Variants in FHL1 observed in about 807,000 individuals in gnomAD.
FHL1 encodes four and a half LIM domains protein 1.
A neutral mutation model predicts 20.3 loss-of-function variants in FHL1; 1 was observed. That is an observed-to-expected ratio of 0.05 (90% CI 0.02 to 0.23). FHL1 has a LOEUF of 0.23. FHL1 is among the 10% of genes least tolerant of loss of function. FHL1 has a pLI of 1.00. For missense variants in FHL1, 177 were observed against 234.0 expected (o/e 0.76, Z 1.59); for synonymous variants, 82 against 88.9 (o/e 0.92, Z 0.44).
At chrX:136,208,696 C>A in intron 5 of FHL1, 55 bp downstream of exon 5, 1 of 1,097,716 alleles carries the variant, frequency 9.1e-7, no homozygotes, top group Non-Finnish European at 1.3e-6. Context: ...GCATGGTAAC[C>A]ATCTCTCATT....
At chrX:136,187,537 A>G (rs916993933) in intron 2 of FHL1, among the ~76,000 whole-genome samples, 45 of 112,395 alleles carry the variant, frequency 4.0e-4, no homozygotes, top group African/African-American at 1.3e-3. Flanking sequence ...ACTAAGGGAA[A>G]GAAATCTGCC....
intron 2 of FHL1, among the ~76,000 whole-genome samples, chrX:136,192,006 A>G (rs1023326277): frequency 2.7e-5 from 3 of 112,299 alleles, no homozygotes; most frequent in Non-Finnish European, 5.6e-5. Flanking sequence ...TGTCACAAGT[A>G]GGTGGTAGAA....
rs760214177 is a variant in FHL1, at chrX:136,209,997, A to T, written c.863A>T (p.Tyr288Phe). 5.0e-6 allele frequency: 6 copies of T among 1,208,494 alleles called. No homozygotes were observed. The Admixed American group carries it at 1.1e-4, about 22-fold the overall frequency. Residue 288 changes from tyrosine (Y) to phenylalanine (F), a missense_variant, in exon 6 of 6, where the codon TAT (tyrosine) becomes TTT (phenylalanine). Tyr to Phe is a conservative substitution (Grantham distance 22). Transcript: ENST00000370683. ...TTTGTTTTCCACCAGGAGCAAGTGT[A>T]TTGTCCCGACTGTGCCAAAAAGCTG... ...KRFVFHQEQV[Y>F]CPDCAKKL
chrX:136,152,687 T>A (rs1229820080), intron 1 of FHL1, among the ~76,000 whole-genome samples: 8 of 89,000 alleles, frequency 9.0e-5, no homozygotes, highest in Non-Finnish European at 1.7e-4. Flanking sequence ...GCCACTGTAT[T>A]CCAGCCTGGG....
chrX:136,153,800 A>G (rs1423878775), intron 1 of FHL1, among the ~76,000 whole-genome samples: 1 of 111,910 alleles, frequency 8.9e-6, no homozygotes, highest in Non-Finnish European at 1.9e-5. Context: ...AGCCCATTGC[A>G]AAACCTCCAA....
chrX:136,175,010 A>C (rs2148308886), intron 2 of FHL1, among the ~76,000 whole-genome samples: 1 of 112,503 alleles, frequency 8.9e-6, no homozygotes, highest in Non-Finnish European at 1.9e-5. Context: ...AGTATAATTA[A>C]AATGAAAAAG....
At chrX:136,156,572 C>G (rs890721503) in intron 1 of FHL1, among the ~76,000 whole-genome samples, 1 of 111,548 alleles carries the variant, frequency 9.0e-6, no homozygotes, top group Non-Finnish European at 1.9e-5. Flanking sequence ...GTGAGCTGTT[C>G]TGTAGACTTT....
rs781369611 is a variant in FHL1 at position 136,152,156 on chromosome X, C to A, written c.-101+4528C>A. Among the ~76,000 whole-genome samples the A allele has an allele frequency of 5.4e-5, 6 of 112,105 alleles. No homozygotes were observed. In the South Asian group the frequency reaches 2.2e-3, roughly 41 times the overall value. On this transcript the variant is annotated intron_variant, in intron 1 of 7. Transcript: ENST00000394155. ...GAAAAGGGAACCAACATTAATTGAACACCTACTAAAATTTCAGGAAGCACG... is the reference window on the plus strand; with the variant it reads ...GAAAAGGGAACCAACATTAATTGAAAACCTACTAAAATTTCAGGAAGCACG...
chrX:136,206,364 G>A (rs2073838955), intron 1 of FHL1, 43 bp from the exon 2 acceptor site: 1 of 1,207,008 alleles, frequency 8.3e-7, no homozygotes, highest in African/African-American at 1.7e-5. Flanking sequence ...AGGGTGCTGG[G>A]GCATTTCCTG....
upstream of FHL1, chrX:136,147,144 G>A: frequency 5.0e-6 from 1 of 199,327 alleles, no homozygotes; most frequent in Admixed American, 5.9e-5. Context: ...GCGCGAGGGA[G>A]GGGGCCCGAG....
chrX:136,171,119 G>C (rs2072855029), intron 2 of FHL1, among the ~76,000 whole-genome samples: 1 of 111,458 alleles, frequency 9.0e-6, no homozygotes, highest in South Asian at 3.8e-4. Context: ...AGGCCCTCGG[G>C]CTTGAAGCAA....
intron 1 of FHL1, among the ~76,000 whole-genome samples, chrX:136,151,644 C>T (rs984267835): frequency 8.0e-5 from 9 of 111,894 alleles, no homozygotes; most frequent in African/African-American, 2.3e-4. Context: ...ACCCAGGAGG[C>T]GGAGGTTGCT....
intron 1 of FHL1, among the ~76,000 whole-genome samples, chrX:136,200,432 T>A (rs1569529928): frequency 9.0e-6 from 1 of 111,632 alleles, no homozygotes; most frequent in Non-Finnish European, 1.9e-5. Context: ...CAGAGGAGAA[T>A]AGGCCCAAGA....
At chrX:136,181,367 A>G (rs1206469128) in intron 2 of FHL1, among the ~76,000 whole-genome samples, 1 of 112,071 alleles carries the variant, frequency 8.9e-6, no homozygotes, top group Non-Finnish European at 1.9e-5. Flanking sequence ...AGAGATGGTT[A>G]GGATGCCGGA....
intron 2 of FHL1, among the ~76,000 whole-genome samples, chrX:136,170,786 A>G (rs1378679322): frequency 1.8e-5 from 2 of 111,080 alleles, no homozygotes; most frequent in Non-Finnish European, 3.8e-5. Flanking sequence ...TGCCAGCACC[A>G]TACCTGTCAG....
chrX:136,186,869 TATATATATATATAGATAGATAG>T lies in FHL1; in HGVS notation c.-27+16893_-27+16914del, dbSNP rs201698144. Among the ~76,000 whole-genome samples, 4 of 61,407 alleles carry T rather than the reference TATATATATATATAGATAGATAG, an allele frequency of 6.5e-5. 1 individual carries two copies. Among genetic ancestry groups the T allele is most frequent in the Non-Finnish European group, 1.2e-4 (4 of 34,283 alleles). The allele number at this position is 61,407 out of a possible 115,157, so 53.3% of individuals were successfully genotyped here. A position where few individuals can be genotyped will look rare whatever the true frequency, so the allele number is the denominator to read the frequency against. On this transcript the variant is annotated intron_variant, in intron 2 of 6. Coordinates refer to the FHL1 transcript ENST00000394153. Reference sequence around the variant, plus strand: ...ACTCCATCTCAAAAAAAAAAAAATATATATATATATATAGATAGATAGATAGATAGATAGATAGATAGATAGA... The same window carrying T: ...ACTCCATCTCAAAAAAAAAAAAATATATAGATAGATAGATAGATAGATAGA...
chrX:136,159,591 T>G (rs1460448643), intron 1 of FHL1, among the ~76,000 whole-genome samples: 2 of 111,912 alleles, frequency 1.8e-5, no homozygotes, highest in Non-Finnish European at 3.8e-5. Context: ...TTTTTCAGAA[T>G]GAGTGAAATA....
At chrX:136,161,217 C>T (rs949254038) in intron 1 of FHL1, among the ~76,000 whole-genome samples, 4 of 111,084 alleles carry the variant, frequency 3.6e-5, no homozygotes, top group African/African-American at 9.8e-5. Flanking sequence ...TCCTTTTGCC[C>T]CCTTGCTGCT....
chrX:136,182,445 A>G (rs1367512851), intron 2 of FHL1, among the ~76,000 whole-genome samples: 1 of 112,320 alleles, frequency 8.9e-6, no homozygotes, highest in African/African-American at 3.2e-5. Flanking sequence ...GGACAGAGAG[A>G]ATGGTATGGA....
Sources: allele counts gnomAD v4.1 joint callset (sites outside exome capture counted in the v4.1 genomes callset), GRCh38; gene constraint gnomAD v4.1.1; transcripts MANE v1.5; gene names NCBI Gene and HGNC (gene_info 2026-07-23, HGNC 2026-07-21).